Variants in CACNA1C observed in about 807,000 individuals in gnomAD.
CACNA1C encodes calcium voltage-gated channel subunit alpha1 C.
A neutral mutation model predicts 229.0 loss-of-function variants in CACNA1C; 30 were observed. That is an observed-to-expected ratio of 0.13 (90% CI 0.10 to 0.18). The LOEUF (loss-of-function observed/expected upper bound fraction) is 0.18. Among genes scored for constraint, CACNA1C ranks in the 10% least tolerant of loss-of-function variants. CACNA1C has a pLI of 1.00. For missense variants in CACNA1C, 1,658 were observed against 2,845.0 expected (o/e 0.58, Z 9.49); for synonymous variants, 1,114 against 1,132.5 (o/e 0.98, Z 0.33).
intron 10 of CACNA1C, among the ~76,000 whole-genome samples, chr12:2,554,684 G>A (rs139289382): frequency 2.6e-5 from 4 of 152,262 alleles, no homozygotes; most frequent in Non-Finnish European, 4.4e-5. Flanking sequence ...AGAACCCTGG[G>A]CCACCTCCCA....
intron 3 of CACNA1C, among the ~76,000 whole-genome samples, chr12:2,149,314 C>T (rs927557877): frequency 3.9e-5 from 6 of 152,080 alleles, no homozygotes; most frequent in South Asian, 4.2e-4. Context: ...TGCATCCTTC[C>T]GAGGCTCAAA....
chr12:2,628,213 C>T (rs375331670), intron 29 of CACNA1C, among the ~76,000 whole-genome samples: 141 of 152,328 alleles, frequency 9.3e-4, no homozygotes, highest in African/African-American at 3.2e-3. Context: ...CCCGTCACCC[C>T]TTCCACAGCA....
At chr12:2,380,381 G>T (rs1253231303) in intron 3 of CACNA1C, among the ~76,000 whole-genome samples, 1 of 152,152 alleles carries the variant, frequency 6.6e-6, no homozygotes, top group Non-Finnish European at 1.5e-5. Context: ...TGACTAAAAA[G>T]CAGTACCTGG....
chr12:2,028,964 C>T (rs974486924), intron 1 of CACNA1C, among the ~76,000 whole-genome samples: 9 of 152,258 alleles, frequency 5.9e-5, no homozygotes, highest in South Asian at 2.1e-4. Flanking sequence ...CTGTGTTTGG[C>T]GCTGAGGATG....
Position 2,633,692 on chromosome 12 carries a change from G to A in CACNA1C, c.3829-605G>A, listed in dbSNP as rs761379650. On this transcript the variant is annotated intron_variant, in intron 29 of 46. Transcript: ENST00000399655. This position sits in a 1 kb window ranked among gnomAD's most constrained non-coding sequence, Gnocchi z 5.8. The stretch of plus-strand genomic sequence containing the variant: ...CATCGTAATTGGCAGCATAATTGAC[G>A]TCATTCTCAGTGAGACTAATGTGAG... 8 of 1,604,136 alleles carry A rather than the reference G, an allele frequency of 5.0e-6. No individual in the cohort carries two copies. Among genetic ancestry groups the A allele is most frequent in the African/African-American group, 1.3e-5 (1 of 74,778 alleles).
At chr12:2,378,130 A>G (rs1162941626) in intron 3 of CACNA1C, among the ~76,000 whole-genome samples, 1 of 152,188 alleles carries the variant, frequency 6.6e-6, no homozygotes, top group Non-Finnish European at 1.5e-5. Flanking sequence ...TCTTCCAGTA[A>G]TAATGATTAT....
At chr12:2,360,407 C>T (rs980984522) in intron 3 of CACNA1C, among the ~76,000 whole-genome samples, 4 of 152,214 alleles carry the variant, frequency 2.6e-5, no homozygotes, top group East Asian at 3.9e-4. Context: ...TTGGAATGGA[C>T]GCTGGGGCAT....
chr12:2,035,003 A>G (rs898226648), intron 1 of CACNA1C, among the ~76,000 whole-genome samples: 3 of 152,222 alleles, frequency 2.0e-5, no homozygotes, highest in Admixed American at 1.3e-4. Flanking sequence ...CACACGTGGA[A>G]ACGGTAAAGG....
chr12:2,140,522 A>G (rs1597098597), intron 3 of CACNA1C, among the ~76,000 whole-genome samples: 1 of 150,800 alleles, frequency 6.6e-6, no homozygotes, highest in East Asian at 1.9e-4. Flanking sequence ...TCCATCCCAG[A>G]CCTCTCTCTG....
chr12:2,064,208 C>T (rs2154519528), intron 1 of CACNA1C, among the ~76,000 whole-genome samples: 1 of 152,364 alleles, frequency 6.6e-6, no homozygotes, highest in African/African-American at 2.4e-5. Context: ...TCCAGTTCAG[C>T]TTTCACCTCG....
intron 1 of CACNA1C, among the ~76,000 whole-genome samples, chr12:2,046,236 C>T (rs1312433897): frequency 6.6e-6 from 1 of 152,154 alleles, no homozygotes; most frequent in African/African-American, 2.4e-5. Flanking sequence ...GGCCTTTGAG[C>T]ACCTAAAAAA....
intron 42 of CACNA1C, chr12:2,680,548 C>A (rs1425460840): frequency 1.3e-6 from 2 of 1,568,916 alleles, no homozygotes; most frequent in African/African-American, 1.4e-5. Flanking sequence ...TGGCTCCCAG[C>A]AGGCTGCACA....
rs2154216911 is a variant in CACNA1C at position 2,152,245 on chromosome 12, T to C, written c.477+31815T>C. On this transcript the variant is annotated intron_variant, in intron 3 of 46. Transcript: ENST00000399655. The surrounding 1 kb of genome is among the most constrained non-coding windows in gnomAD (Gnocchi z 4.2). ...ACCCAGTGTCTGTTCTCTACCTCTT[T>C]CATAGGGATAGAATTTTCAGCTGGG... 6.6e-6 allele frequency among the ~76,000 whole-genome samples: 1 copy of C among 152,334 alleles called. No homozygotes were observed. The highest frequency in any genetic ancestry group is 3.4e-3 in the Middle Eastern group (1 of 294).
chr12:2,267,284 G>A (rs1414426216), intron 3 of CACNA1C, among the ~76,000 whole-genome samples: 1 of 152,156 alleles, frequency 6.6e-6, no homozygotes, highest in African/African-American at 2.4e-5. Context: ...CTCTCAGGCT[G>A]GAGCTGAGCT....
intron 45 of CACNA1C, among the ~76,000 whole-genome samples, chr12:2,687,161 C>T (rs1407270017): frequency 1.3e-5 from 2 of 152,184 alleles, no homozygotes; most frequent in East Asian, 1.9e-4. Context: ...TATGGCCTTA[C>T]ACTTTTCTCA....
chr12:2,184,145 C>T (rs140355362), intron 3 of CACNA1C, among the ~76,000 whole-genome samples: 62 of 152,318 alleles, frequency 4.1e-4, no homozygotes, highest in Non-Finnish European at 7.2e-4. Flanking sequence ...GCTGGGGCTG[C>T]GGTTGTTCTG....
intron 11 of CACNA1C, among the ~76,000 whole-genome samples, chr12:2,558,369 C>T (rs560698341): frequency 6.6e-6 from 1 of 152,364 alleles, no homozygotes; most frequent in Non-Finnish European, 1.5e-5. Context: ...AGGGCATCCA[C>T]TGCTGGAGTC....
At chr12:2,472,421 T>C (rs1454991796) in intron 5 of CACNA1C, among the ~76,000 whole-genome samples, 1 of 152,202 alleles carries the variant, frequency 6.6e-6, no homozygotes, top group Admixed American at 6.5e-5. Context: ...AATTTTTCAT[T>C]TCAGTTACTT....
intron 3 of CACNA1C, among the ~76,000 whole-genome samples, chr12:2,406,050 T>G (rs1278484362): frequency 6.6e-6 from 1 of 152,242 alleles, no homozygotes; most frequent in Admixed American, 6.5e-5. Context: ...GGTTGACACT[T>G]TCCTTCATTA....
Sources: allele counts gnomAD v4.1 joint callset (sites outside exome capture counted in the v4.1 genomes callset), GRCh38; gene constraint gnomAD v4.1.1; non-coding constraint Gnocchi (gnomAD v3.1); transcripts MANE v1.5; gene names NCBI Gene and HGNC (gene_info 2026-07-23, HGNC 2026-07-21).